The following DOCK2 variants were observed in gnomAD, a reference collection of about 807,000 sequenced individuals.
DOCK2 encodes dedicator of cytokinesis 2.
In DOCK2, 87 loss-of-function variants were observed where a neutral mutation model predicts 248.9. The ratio of observed to expected loss-of-function variants is 0.35; its 90% CI spans 0.29 to 0.42. The LOEUF (loss-of-function observed/expected upper bound fraction) is 0.42. Ranked by LOEUF, DOCK2 falls within the 10% of genes least tolerant of loss-of-function variation. The pLI, the probability that DOCK2 is intolerant of heterozygous loss-of-function variation, is 1.00. For synonymous variants in DOCK2, 805 were observed against 821.6 expected (o/e 0.98, Z 0.35); for missense variants, 1,747 against 2,300.2 (o/e 0.76, Z 4.92).
chr5:169,850,315 A>G (rs1424949692), intron 27 of DOCK2, among the ~76,000 whole-genome samples: 1 of 152,196 alleles, frequency 6.6e-6, no homozygotes, highest in East Asian at 1.9e-4. Flanking sequence ...GGAGGAAGCT[A>G]GGATTTGTAT....
At chr5:169,905,050 G>A (rs1774197711) in intron 27 of DOCK2, among the ~76,000 whole-genome samples, 1 of 152,178 alleles carries the variant, frequency 6.6e-6, no homozygotes, top group African/African-American at 2.4e-5. Context: ...CACTCTCATG[G>A]GGCTGAGGTC....
rs555279092 is a variant in DOCK2 at position 169,724,636 on chromosome 5, G to T, written c.2267+5845G>T. On this transcript the variant is annotated intron_variant, in intron 22 of 51. Coordinates refer to ENST00000520908, the MANE Select transcript of DOCK2 (RefSeq NM_004946.3). ...TCAGGAGCATGGTTCGCAGCTCAGC[G>T]ACGCCTCCAGTCTAGCTTACCTCAC... Among the ~76,000 whole-genome samples the T allele has an allele frequency of 2.6e-5, 4 of 152,176 alleles. 1 individual carries two copies. In the South Asian group the frequency reaches 6.2e-4, roughly 24 times the overall value.
At chr5:169,740,603 C>T (rs910021079) in intron 22 of DOCK2, among the ~76,000 whole-genome samples, 2 of 152,208 alleles carry the variant, frequency 1.3e-5, no homozygotes, top group Non-Finnish European at 2.9e-5. Flanking sequence ...ATCTGCACCC[C>T]GCCTGTTGGC....
intron 32 of DOCK2, among the ~76,000 whole-genome samples, chr5:170,018,575 T>A (rs1755614163): frequency 6.6e-6 from 1 of 152,234 alleles, no homozygotes; most frequent in Admixed American, 6.5e-5. Context: ...ATTTAAAAAC[T>A]CTCAGCAACA....
At chr5:170,005,485 C>G (rs1427452548) in intron 30 of DOCK2, among the ~76,000 whole-genome samples, 2 of 152,168 alleles carry the variant, frequency 1.3e-5, no homozygotes, top group Non-Finnish European at 2.9e-5. Flanking sequence ...AACACCACCA[C>G]TGCATTTACT....
Position 169,996,823 on chromosome 5 carries a change from G to T in DOCK2, c.3072+659G>T, listed in dbSNP as rs148964767. 7.2e-5 allele frequency among the ~76,000 whole-genome samples: 11 copies of T among 152,330 alleles called. 2 individuals are homozygous for T. Among genetic ancestry groups the T allele is most frequent in the African/African-American group, 2.2e-4 (9 of 41,576 alleles). ...TCTATCTCTTCCAGTGGGGGCTTAG[G>T]GGGTAGTAGGCACTGAGCTCATGAA... On this transcript the variant is annotated intron_variant, in intron 30 of 51. Transcript: ENST00000520908.
At chr5:170,080,462 G>C (rs973618916) in intron 50 of DOCK2, 179 bp downstream of exon 50, 1 of 942,116 alleles carries the variant, frequency 1.1e-6, no homozygotes, top group Admixed American at 2.9e-5. Context: ...CCACTTCCTG[G>C]GGGTGACACC....
intron 44 of DOCK2, among the ~76,000 whole-genome samples, chr5:170,060,018 A>G (rs1382911726): frequency 2.0e-5 from 3 of 152,124 alleles, no homozygotes; most frequent in Non-Finnish European, 4.4e-5. Flanking sequence ...ATTTCCAAAG[A>G]TTGTTTTTGT....
At chr5:169,878,411 G>T (rs983590331) in intron 27 of DOCK2, among the ~76,000 whole-genome samples, 1 of 152,150 alleles carries the variant, frequency 6.6e-6, no homozygotes, top group Non-Finnish European at 1.5e-5. Context: ...ATGCAGACCT[G>T]CATCAATTAC....
intron 27 of DOCK2, among the ~76,000 whole-genome samples, chr5:169,863,739 A>G (rs1438547331): frequency 1.3e-5 from 2 of 152,262 alleles, no homozygotes; most frequent in South Asian, 2.1e-4. Context: ...GTGATCTTGC[A>G]TAAGCATTTT....
chr5:170,081,732 TG>T (rs1248082904), intron 50 of DOCK2, 109 bp from the exon 51 acceptor site: 4 of 1,260,576 alleles, frequency 3.2e-6, no homozygotes, highest in Non-Finnish European at 4.3e-6. Flanking sequence ...ATACAATGTG[TG>T]ATCCCTGGAT....
chr5:170,047,412 C>A, intron 39 of DOCK2, 98 bp from the exon 40 acceptor site: 1 of 990,820 alleles, frequency 1.0e-6, no homozygotes, highest in Non-Finnish European at 1.5e-6. Flanking sequence ...GGCTCATTGG[C>A]TCTGGTATAA....
chr5:169,823,586 A>G (rs1286647076), intron 26 of DOCK2, among the ~76,000 whole-genome samples: 1 of 152,110 alleles, frequency 6.6e-6, no homozygotes, highest in Non-Finnish European at 1.5e-5. Flanking sequence ...CCTGCTAAAA[A>G]CTCTCAATAA....
chr5:170,079,504 C>A (rs1368793921), intron 49 of DOCK2: 1 of 242,950 alleles, frequency 4.1e-6, no homozygotes, highest in East Asian at 8.7e-5. Flanking sequence ...TTCTATAGCC[C>A]CCAGCCCCAG....
At chr5:169,883,728 T>C (rs544181902) in intron 27 of DOCK2, 5 of 1,551,566 alleles carry the variant, frequency 3.2e-6, no homozygotes, top group African/African-American at 1.4e-5. Flanking sequence ...CTTCTGGAGT[T>C]TGGACGTCAA....
intron 25 of DOCK2, among the ~76,000 whole-genome samples, chr5:169,761,860 T>C (rs1764503738): frequency 6.6e-6 from 1 of 152,222 alleles, no homozygotes; most frequent in Non-Finnish European, 1.5e-5. Flanking sequence ...TTGAGAAAGT[T>C]TAATGAGGTT....
chr5:169,878,685 G>A (rs1170348683), intron 27 of DOCK2, among the ~76,000 whole-genome samples: 1 of 152,184 alleles, frequency 6.6e-6, no homozygotes, highest in Non-Finnish European at 1.5e-5. Context: ...GTAATTTAAT[G>A]TTATTTAATC....
intron 25 of DOCK2, among the ~76,000 whole-genome samples, chr5:169,785,487 A>G (rs2113024469): frequency 6.6e-6 from 1 of 152,334 alleles, no homozygotes; most frequent in Middle Eastern, 3.4e-3. Context: ...TATTAAAGTT[A>G]TTCATTAAAA....
chr5:169,796,943 G>A (rs909631441), intron 25 of DOCK2, among the ~76,000 whole-genome samples: 2 of 152,190 alleles, frequency 1.3e-5, no homozygotes, highest in Non-Finnish European at 1.5e-5. Flanking sequence ...CCATGCCAGA[G>A]AGTTGAAAAA....
Sources: gnomAD v4.1 joint callset for allele counts (sites outside exome capture counted in the v4.1 genomes callset) on GRCh38, gnomAD v4.1.1 for gene constraint, MANE v1.5 for transcripts, NCBI Gene and HGNC (gene_info 2026-07-23, HGNC 2026-07-21) for gene names.